Variants in VSTM4 observed in about 807,000 individuals in gnomAD.
VSTM4 encodes the protein V-set and transmembrane domain containing 4.
Under a neutral mutation model 36.4 loss-of-function variants are expected in VSTM4, and 20 were observed. The ratio of observed to expected loss-of-function variants is 0.55; its 90% CI spans 0.39 to 0.80. The LOEUF (loss-of-function observed/expected upper bound fraction) is 0.80. Ranked by LOEUF, VSTM4 falls within the 30% of genes least tolerant of loss-of-function variation. The probability of loss-of-function intolerance (pLI) is 0.00; values close to 1 mark genes in which losing one functional copy is unlikely to be tolerated. For missense variants in VSTM4, 392 were observed against 404.5 expected (o/e 0.97, Z 0.26); for synonymous variants, 182 against 173.9 (o/e 1.05, Z -0.37).
At chr10:49,037,094 G>A (rs1377447758) in intron 7 of VSTM4, among the ~76,000 whole-genome samples, 1 of 152,194 alleles carries the variant, frequency 6.6e-6, no homozygotes, top group East Asian at 1.9e-4. Flanking sequence ...GAATTAGGGA[G>A]AGTCACAAGG....
At chr10:49,021,875 T>C (rs1046252227) in intron 7 of VSTM4, among the ~76,000 whole-genome samples, 1 of 152,196 alleles carries the variant, frequency 6.6e-6, no homozygotes, top group Non-Finnish European at 1.5e-5. Context: ...ATGTGTACTT[T>C]ATATTTCACT....
At chr10:49,078,107 T>A (rs1844212414) in intron 3 of VSTM4, among the ~76,000 whole-genome samples, 1 of 152,098 alleles carries the variant, frequency 6.6e-6, no homozygotes, top group Admixed American at 6.5e-5. Flanking sequence ...GCAACTACAG[T>A]AAAATATCCC....
At chr10:49,064,914 C>T (rs192569746) in intron 4 of VSTM4, among the ~76,000 whole-genome samples, 178 bp from the exon 5 acceptor site, 30 of 152,322 alleles carry the variant, frequency 2.0e-4, no homozygotes, top group African/African-American at 7.2e-4. Flanking sequence ...ATCACATGAA[C>T]ACAACAGTGA....
intron 7 of VSTM4, among the ~76,000 whole-genome samples, chr10:49,043,224 T>G (rs1843547754): frequency 6.6e-6 from 1 of 152,244 alleles, no homozygotes; most frequent in African/African-American, 2.4e-5. Context: ...CACTGGATTC[T>G]GAAGACTTAC....
intron 2 of VSTM4, among the ~76,000 whole-genome samples, chr10:49,101,211 C>T (rs1353443052): frequency 2.6e-5 from 4 of 151,768 alleles, no homozygotes; most frequent in Admixed American, 6.6e-5. Flanking sequence ...GAAAAGAATG[C>T]CACAAAGGAA....
At chr10:49,100,387 C>G (rs1844645859) in intron 2 of VSTM4, among the ~76,000 whole-genome samples, 1 of 152,146 alleles carries the variant, frequency 6.6e-6, no homozygotes, top group East Asian at 1.9e-4. Context: ...AATAAGTTAA[C>G]TCATTATGTT....
chr10:49,100,884 A>T (rs931788952), intron 2 of VSTM4, among the ~76,000 whole-genome samples: 3 of 152,182 alleles, frequency 2.0e-5, no homozygotes, highest in Non-Finnish European at 4.4e-5. Context: ...TTTCATTTAA[A>T]TATAGGGATT....
intron 2 of VSTM4, among the ~76,000 whole-genome samples, chr10:49,098,770 C>T (rs1235282766): frequency 1.3e-5 from 2 of 152,214 alleles, no homozygotes; most frequent in Non-Finnish European, 2.9e-5. Context: ...TGCATCCTGT[C>T]CCCTGCACTC....
intron 3 of VSTM4, among the ~76,000 whole-genome samples, chr10:49,082,174 G>A (rs915062369): frequency 3.9e-5 from 6 of 152,182 alleles, no homozygotes; most frequent in African/African-American, 9.6e-5. Context: ...TGGAATGCCC[G>A]CCCAGTGGTG....
chr10:49,060,893 T>G (rs4483510), intron 5 of VSTM4, among the ~76,000 whole-genome samples: 14,079 of 152,276 alleles, frequency 0.092, 907 homozygotes, highest in East Asian at 0.21. Context: ...GATACCCATG[T>G]GTCCCAGCAC....
chr10:49,080,081 T>C (rs988596807), intron 3 of VSTM4, among the ~76,000 whole-genome samples: 1 of 152,216 alleles, frequency 6.6e-6, no homozygotes, highest in South Asian at 2.1e-4. Flanking sequence ...CTGTTCCCCA[T>C]CATAAATAAT....
rs141241669 is a variant in VSTM4 at position 49,105,285 on chromosome 10, C to T, written c.457+2309G>A. Among the ~76,000 whole-genome samples the T allele has an allele frequency of 1.4e-4, 14 of 103,146 alleles. No individual in the cohort carries two copies. In the South Asian group the frequency reaches 2.1e-3, roughly 16 times the overall value. 67.7% of individuals were successfully genotyped at this position (103,146 alleles called of 152,430 possible). A position where few individuals can be genotyped will look rare whatever the true frequency, so the allele number is the denominator to read the frequency against. ...CCAGAAACAGAGAGACAGAGAGAGA[C>T]GAAGAGACACAGAGGGAGGAAGAGA... On this transcript the variant is annotated intron_variant, in intron 2 of 7. Transcript: ENST00000332853.
At chr10:49,026,834 G>A (rs1365547925) in intron 7 of VSTM4, among the ~76,000 whole-genome samples, 2 of 152,222 alleles carry the variant, frequency 1.3e-5, no homozygotes, top group African/African-American at 2.4e-5. Flanking sequence ...AAAACCCTGA[G>A]GGAAGGCGTT....
chr10:49,046,991 CTT>C lies in VSTM4; in HGVS notation c.827_828del (p.Lys276SerfsTer8). The C allele has an allele frequency of 6.2e-7, 1 of 1,614,072 alleles. No individual in the cohort carries two copies. Among genetic ancestry groups the C allele is most frequent in the Non-Finnish European group, 8.5e-7 (1 of 1,179,980 alleles). ...HKPKLLKPQR[K>X]VTLPKIAEEN... The stretch of plus-strand genomic sequence containing the variant: ...AGAAGACGGTTACTTACCAGCGTGA[CTT>C]TTCTCTGTGGTTTCAGCAGCTTCGG... On this transcript the variant is annotated frameshift_variant, in exon 7 of 8. Transcript: ENST00000332853. LOFTEE classifies it high-confidence loss of function.
At chr10:49,089,506 T>C (rs1225706177) in intron 2 of VSTM4, among the ~76,000 whole-genome samples, 1 of 152,196 alleles carries the variant, frequency 6.6e-6, no homozygotes, top group African/African-American at 2.4e-5. Flanking sequence ...CTTTCCCTTA[T>C]TTAGGATAGA....
In VSTM4 at chr10:49,105,249, GAGAT is replaced by G. The variant is rs1331185388; in HGVS notation, c.457+2341_457+2344del. Among the ~76,000 whole-genome samples, 4 of 144,688 alleles carry G rather than the reference GAGAT, an allele frequency of 2.8e-5. 1 individual carries two copies. The South Asian group carries it at 7.0e-4, about 25-fold the overall frequency. The allele number at this position is 144,688 out of a possible 152,430, so 94.9% of individuals were successfully genotyped here. ...AGAGAGAGAGAGACAGAGAGGGAAA[GAGAT>G]AGAAAGCCAGAAACAGAGAGACAGA... On this transcript the variant is annotated intron_variant, in intron 2 of 7. Coordinates refer to ENST00000332853, the MANE Select transcript of VSTM4 (RefSeq NM_001031746.5).
intron 4 of VSTM4, among the ~76,000 whole-genome samples, chr10:49,066,272 A>G (rs1041200067): frequency 6.6e-6 from 1 of 152,194 alleles, no homozygotes; most frequent in East Asian, 1.9e-4. Context: ...TGAAACGTAA[A>G]TGAGACATCA....
intron 7 of VSTM4, among the ~76,000 whole-genome samples, chr10:49,023,909 A>C (rs1447160075): frequency 6.6e-6 from 1 of 152,180 alleles, no homozygotes; most frequent in East Asian, 1.9e-4. Context: ...TGAAAGCCTC[A>C]AGGAAACTGC....
At position 49,068,945 on chromosome 10, in the gene VSTM4, T is replaced by G. The variant is rs556119490; in HGVS notation, c.635-4209A>C. Among the ~76,000 whole-genome samples, 57 of 152,262 alleles carry G rather than the reference T, an allele frequency of 3.7e-4. 1 individual carries two copies. The South Asian group carries it at 0.012, about 32-fold the overall frequency. ...GGTTATTTTAGGATCCTTAGGACTT[T>G]GAAGACTCTGAAAGGAAGGCTTATT... is the stretch of plus-strand genomic sequence containing the variant. On this transcript the variant is annotated intron_variant, in intron 4 of 7. Transcript: ENST00000332853.
Sources: gnomAD v4.1 joint callset for allele counts (sites outside exome capture counted in the v4.1 genomes callset) on GRCh38, gnomAD v4.1.1 for gene constraint, MANE v1.5 for transcripts, NCBI Gene and HGNC (gene_info 2026-07-23, HGNC 2026-07-21) for gene names.